The following PDE3B variants were observed in gnomAD, a reference collection of about 807,000 sequenced individuals.
PDE3B encodes cGMP-inhibited 3',5'-cyclic phosphodiesterase 3B.
PDE3B carries 66 observed loss-of-function variants against 116.8 expected under a neutral mutation model. That is an observed-to-expected ratio of 0.56 (90% CI 0.46 to 0.69). The LOEUF is 0.69. Ranked by LOEUF, PDE3B falls within the 30% of genes least tolerant of loss-of-function variation. The pLI is 0.00. For synonymous variants in PDE3B, 595 were observed against 533.6 expected (o/e 1.12, Z -1.59); for missense variants, 1,384 against 1,368.1 (o/e 1.01, Z -0.18).
intron 12 of PDE3B, among the ~76,000 whole-genome samples, chr11:14,855,302 C>T (rs1555005991): frequency 6.6e-6 from 1 of 151,456 alleles, no homozygotes; most frequent in African/African-American, 2.4e-5. Context: ...TCAAACACCA[C>T]ACATAGCACA....
chr11:14,801,732 G>A (rs370223869), intron 4 of PDE3B, among the ~76,000 whole-genome samples: 83 of 152,290 alleles, frequency 5.5e-4, no homozygotes, highest in Middle Eastern at 3.4e-3. Context: ...AGCTGCACCC[G>A]TAGCCACCCC....
chr11:14,831,914 A>C, intron 9 of PDE3B, 137 bp downstream of exon 9: 2 of 532,666 alleles, frequency 3.8e-6, no homozygotes, highest in Non-Finnish European at 6.6e-6. Context: ...GAAAAAAATA[A>C]ATATATACAT....
At chr11:14,806,284 C>CA (rs58465097) in intron 5 of PDE3B, among the ~76,000 whole-genome samples, 17,905 of 126,372 alleles carry the variant, frequency 0.14, 1,397 homozygotes, top group African/African-American at 0.26. Flanking sequence ...ACTAAAAATA[C>CA]AAAAAAAAAA....
chr11:14,802,287 C>T (rs1417697566), intron 4 of PDE3B, among the ~76,000 whole-genome samples: 1 of 152,120 alleles, frequency 6.6e-6, no homozygotes, highest in African/African-American at 2.4e-5. Context: ...GGGGTAGGCA[C>T]CGGAGGGAAT....
intron 11 of PDE3B, among the ~76,000 whole-genome samples, chr11:14,842,762 T>G (rs1847501589): frequency 6.6e-6 from 1 of 152,152 alleles, no homozygotes; most frequent in South Asian, 2.1e-4. Context: ...TCTAAAAACA[T>G]AAATTTTAAA....
chr11:14,672,410 A>G (rs1286756877), intron 1 of PDE3B, among the ~76,000 whole-genome samples: 1 of 152,178 alleles, frequency 6.6e-6, no homozygotes, highest in South Asian at 2.1e-4. Context: ...GTTTGTATAC[A>G]GTTTAGGAAA....
intron 12 of PDE3B, among the ~76,000 whole-genome samples, chr11:14,848,537 G>A (rs1847664730): frequency 6.6e-6 from 1 of 151,990 alleles, no homozygotes; most frequent in South Asian, 2.1e-4. Context: ...TAGGAAAAGA[G>A]GAAGTCAAAT....
At chr11:14,853,204 T>G (rs993273123) in intron 12 of PDE3B, among the ~76,000 whole-genome samples, 1 of 152,216 alleles carries the variant, frequency 6.6e-6, no homozygotes, top group African/African-American at 2.4e-5. Flanking sequence ...TATACCATTA[T>G]GCTCCTTCTC....
chr11:14,661,506 T>C (rs1477003168), intron 1 of PDE3B, among the ~76,000 whole-genome samples: 2 of 152,164 alleles, frequency 1.3e-5, no homozygotes, highest in South Asian at 2.1e-4. Context: ...GGGTGAGGCA[T>C]TGCCTCACTC....
At chr11:14,673,430 T>C (rs1243349398) in intron 1 of PDE3B, among the ~76,000 whole-genome samples, 1 of 152,098 alleles carries the variant, frequency 6.6e-6, no homozygotes, top group Admixed American at 6.6e-5. Flanking sequence ...AAGGATCTAT[T>C]ACCCCTTTTA....
At chr11:14,738,397 G>T (rs1053666244) in intron 1 of PDE3B, among the ~76,000 whole-genome samples, 3 of 152,166 alleles carry the variant, frequency 2.0e-5, no homozygotes, top group Non-Finnish European at 4.4e-5. Context: ...TCATATGTCT[G>T]TTGGCTGCAT....
chr11:14,691,996 G>A (rs1855052193), intron 1 of PDE3B, among the ~76,000 whole-genome samples: 4 of 152,148 alleles, frequency 2.6e-5, no homozygotes, highest in Non-Finnish European at 5.9e-5. Context: ...GGCTAGGTGT[G>A]GTGGCTCATG....
intron 1 of PDE3B, among the ~76,000 whole-genome samples, chr11:14,714,056 G>A (rs564831344): frequency 7.1e-4 from 108 of 152,162 alleles, no homozygotes; most frequent in Middle Eastern, 3.4e-3. Flanking sequence ...GGCAGTGCGC[G>A]TGTGACTTTT....
intron 5 of PDE3B, among the ~76,000 whole-genome samples, chr11:14,809,112 C>T (rs1433764915): frequency 6.6e-6 from 1 of 152,104 alleles, no homozygotes; most frequent in Non-Finnish European, 1.5e-5. Context: ...AACTTACTAC[C>T]AGGCTACAGT....
intron 11 of PDE3B, among the ~76,000 whole-genome samples, chr11:14,842,805 A>C (rs1167772008): frequency 1.3e-5 from 2 of 152,226 alleles, no homozygotes; most frequent in African/African-American, 4.8e-5. Flanking sequence ...TCCAAAACTT[A>C]ATTTTGATAC....
At chr11:14,856,433 C>A (rs1186670549) in intron 12 of PDE3B, among the ~76,000 whole-genome samples, 2 of 152,122 alleles carry the variant, frequency 1.3e-5, no homozygotes, top group East Asian at 3.8e-4. Context: ...TATAAAAAAA[C>A]AACAAAACTA....
chr11:14,764,178 G>T (rs1857434240), intron 1 of PDE3B, among the ~76,000 whole-genome samples: 1 of 152,126 alleles, frequency 6.6e-6, no homozygotes, highest in Admixed American at 6.6e-5. Context: ...GCTAGTAAGA[G>T]CTATAGTTGT....
At chr11:14,778,765 C>T (rs185785619) in intron 2 of PDE3B, among the ~76,000 whole-genome samples, 395 of 152,342 alleles carry the variant, frequency 2.6e-3, no homozygotes, top group Non-Finnish European at 4.7e-3. Context: ...GCCCCTTCTC[C>T]TCCAAAGGAA....
intron 1 of PDE3B, among the ~76,000 whole-genome samples, chr11:14,668,032 TA>T (rs200897741): frequency 3.5e-3 from 454 of 130,728 alleles, no homozygotes; most frequent in Middle Eastern, 4.0e-3. Flanking sequence ...AATGCAAGAG[TA>T]AAAAAAAAAA....
Sources: gnomAD v4.1 joint callset for allele counts (sites outside exome capture counted in the v4.1 genomes callset) on GRCh38, gnomAD v4.1.1 for gene constraint, MANE v1.5 for transcripts, NCBI Gene and HGNC (gene_info 2026-07-23, HGNC 2026-07-21) for gene names.